The following BRD10 variants were observed in gnomAD, a reference collection of about 807,000 sequenced individuals.
BRD10 encodes bromodomain containing 10, also known as uncharacterized bromodomain-containing protein 10.
the BRD10 span, among the ~76,000 whole-genome samples, chr9:6,005,922 C>G: frequency 6.6e-6 from 1 of 152,130 alleles, no homozygotes; most frequent in Non-Finnish European, 1.5e-5. Context: ...AGAGAGCTCA[C>G]TTAACGAAGA....
At chr9:5,999,385 T>G in the BRD10 span, among the ~76,000 whole-genome samples, 1 of 152,194 alleles carries the variant, frequency 6.6e-6, no homozygotes, top group Non-Finnish European at 1.5e-5. Context: ...ATATATATAA[T>G]CACCAGACCT....
the BRD10 span, chr9:5,969,412 T>G: frequency 6.3e-7 from 1 of 1,576,796 alleles, no homozygotes; most frequent in Non-Finnish European, 8.6e-7. Flanking sequence ...CTTCTTCTGC[T>G]TCTTTTCTTT....
chr9:5,980,492 A>G, the BRD10 span, among the ~76,000 whole-genome samples: 1 of 152,238 alleles, frequency 6.6e-6, no homozygotes, highest in Non-Finnish European at 1.5e-5. Context: ...GATAGCATAT[A>G]CTGCACAAGG....
chr9:5,946,961 T>C, the BRD10 span, among the ~76,000 whole-genome samples: 1 of 151,522 alleles, frequency 6.6e-6, no homozygotes, highest in African/African-American at 2.4e-5. Flanking sequence ...TATCTCTTCA[T>C]AGAAACTTAC....
the BRD10 span, among the ~76,000 whole-genome samples, chr9:5,967,410 G>T: frequency 5.3e-5 from 8 of 151,974 alleles, no homozygotes. Context: ...CAAATATATA[G>T]GGCATTTAAA....
the BRD10 span, chr9:5,897,727 GGA>G: frequency 7.9e-7 from 1 of 1,263,992 alleles, no homozygotes; most frequent in Non-Finnish European, 1.2e-6. Context: ...CTGAATCTCT[GGA>G]GAGTCAGATA....
At chr9:5,914,417 T>TG in the BRD10 span, among the ~76,000 whole-genome samples, 94 of 108,706 alleles carry the variant, frequency 8.6e-4, no homozygotes, top group Middle Eastern at 4.0e-3. Context: ...ATGGTTTTTT[T>TG]TTTTTTTTTT....
At chr9:5,894,935 C>T in the BRD10 span, among the ~76,000 whole-genome samples, 1 of 152,164 alleles carries the variant, frequency 6.6e-6, no homozygotes, top group South Asian at 2.1e-4. The surrounding 1 kb of genome is among the most constrained non-coding windows in gnomAD (Gnocchi z 4.0). Flanking sequence ...TGTGAAGGAA[C>T]CCCTTGACTG....
chr9:5,954,033 T>G, the BRD10 span: 1 of 1,565,742 alleles, frequency 6.4e-7, no homozygotes, highest in Non-Finnish European at 8.7e-7. Context: ...TCTGGTACAG[T>G]AGGTGACTTT....
At chr9:5,912,349 G>C in the BRD10 span, among the ~76,000 whole-genome samples, 1 of 151,912 alleles carries the variant, frequency 6.6e-6, no homozygotes, top group Admixed American at 6.6e-5. Flanking sequence ...TTCCTAATTT[G>C]AATGTCCCGT....
the BRD10 span, among the ~76,000 whole-genome samples, chr9:5,949,789 G>A: frequency 3.3e-5 from 5 of 152,078 alleles, no homozygotes; most frequent in Non-Finnish European, 7.4e-5. Context: ...ATGTACAAAA[G>A]ATAAGTCATA....
chr9:5,997,054 T>C, the BRD10 span, among the ~76,000 whole-genome samples: 2 of 152,204 alleles, frequency 1.3e-5, no homozygotes, highest in African/African-American at 2.4e-5. Context: ...ATTGTAAATT[T>C]AGGACACTTT....
the BRD10 span, among the ~76,000 whole-genome samples, chr9:5,996,603 T>C: frequency 6.6e-6 from 1 of 152,180 alleles, no homozygotes; most frequent in Non-Finnish European, 1.5e-5. Flanking sequence ...AGTGCTGGGA[T>C]TATAGGCATG....
the BRD10 span, among the ~76,000 whole-genome samples, chr9:6,005,326 C>G: frequency 6.6e-6 from 1 of 151,794 alleles, no homozygotes; most frequent in African/African-American, 2.4e-5. Context: ...GCCTGGCCAA[C>G]ATGGCGAAAC....
At chr9:5,963,623 G>A in the BRD10 span, among the ~76,000 whole-genome samples, 1 of 152,032 alleles carries the variant, frequency 6.6e-6, no homozygotes, top group African/African-American at 2.4e-5. Context: ...AAAGAACAAA[G>A]CTGGAGGCAT....
At chr9:5,928,850 C>T in the BRD10 span, among the ~76,000 whole-genome samples, 1 of 151,738 alleles carries the variant, frequency 6.6e-6, no homozygotes, top group East Asian at 1.9e-4. Flanking sequence ...GAATGTAAGT[C>T]ACAGAGTGGA....
chr9:5,989,588 G>A, the BRD10 span, among the ~76,000 whole-genome samples: 1 of 150,428 alleles, frequency 6.6e-6, no homozygotes, highest in Non-Finnish European at 1.5e-5. Flanking sequence ...CCAGGCTGGG[G>A]TGCAGTGGTA....
chr9:6,007,399 G>A, the BRD10 span: 10 of 1,609,372 alleles, frequency 6.2e-6, no homozygotes, highest in South Asian at 3.3e-5. Context: ...GGGCTGCTGC[G>A]GGAAGGCGCG....
At chr9:5,983,467 G>A in the BRD10 span, among the ~76,000 whole-genome samples, 1 of 151,806 alleles carries the variant, frequency 6.6e-6, no homozygotes. Flanking sequence ...AATATAACTA[G>A]GAGAAAAACA....
Sources: gnomAD v4.1 joint callset for allele counts (sites outside exome capture counted in the v4.1 genomes callset) on GRCh38, gnomAD v4.1.1 for gene constraint, Gnocchi (gnomAD v3.1) non-coding constraint, MANE v1.5 for transcripts, NCBI Gene and HGNC (gene_info 2026-07-23, HGNC 2026-07-21) for gene names.